GRIP2: variants seen among roughly 807,000 people sequenced by gnomAD.
GRIP2 encodes the protein glutamate receptor interacting protein 2.
In GRIP2, 58 loss-of-function variants were observed where a neutral mutation model predicts 108.3. That is an observed-to-expected ratio of 0.54 (90% CI 0.43 to 0.67). The LOEUF (loss-of-function observed/expected upper bound fraction) is 0.67, where lower values mean the gene tolerates loss of function less well. Among genes scored for constraint, GRIP2 ranks in the 30% least tolerant of loss-of-function variants. The pLI, the probability that GRIP2 is intolerant of heterozygous loss-of-function variation, is 0.00. For synonymous variants in GRIP2, 586 were observed against 598.2 expected (o/e 0.98, Z 0.30); for missense variants, 1,278 against 1,430.6 (o/e 0.89, Z 1.72).
At chr3:14,542,997 A>G (rs2124966335), upstream of GRIP2, among the ~76,000 whole-genome samples, 1 of 152,320 alleles carries the variant, frequency 6.6e-6, no homozygotes, top group South Asian at 2.1e-4. Context: ...GTGCAGAGGA[A>G]GAGGAATTAG....
upstream of GRIP2, among the ~76,000 whole-genome samples, chr3:14,560,050 C>A (rs980980802): frequency 6.6e-6 from 1 of 152,032 alleles, no homozygotes; most frequent in African/African-American, 2.4e-5. Flanking sequence ...GCCAGGAGTT[C>A]AAGACCCGCC....
intron 1 of GRIP2, among the ~76,000 whole-genome samples, chr3:14,528,057 G>A (rs754284024): frequency 1.1e-4 from 17 of 152,102 alleles, no homozygotes; most frequent in Non-Finnish European, 1.9e-4. Flanking sequence ...ATGTTCTACT[G>A]TAGTCAGTCC....
chr3:14,512,726 C>A lies in GRIP2; in HGVS notation c.1720+51G>T. ...TCTGAGCTTGGCAAGCTCTTTTTCC[C>A]CAGCAGTTGAGCTCGCTCCCAGGGG... On this transcript the variant is annotated intron_variant, in intron 14 of 23. Transcript: ENST00000621039. The surrounding 1 kb of genome is among the most constrained non-coding windows in gnomAD (Gnocchi z 5.1). 2.6e-6 allele frequency: 4 copies of A among 1,547,860 alleles called. No individual in the cohort carries two copies. The highest frequency in any genetic ancestry group is 2.7e-6 in the Non-Finnish European group (3 of 1,124,696).
the GRIP2 span, among the ~76,000 whole-genome samples, chr3:14,579,149 A>G: frequency 2.0e-5 from 3 of 152,098 alleles, no homozygotes; most frequent in African/African-American, 7.2e-5. Context: ...GTGCAACTAC[A>G]TGGGTGGGTC....
rs1431315918 is a variant in GRIP2, at chr3:14,520,147, C to T, written c.993G>A (p.Val331=). 3.1e-6 allele frequency: 5 copies of T among 1,609,458 alleles called. No homozygotes were observed. Among genetic ancestry groups the T allele is most frequent in the Non-Finnish European group, 3.4e-6 (4 of 1,178,662 alleles). Residue 331 remains valine (V), a synonymous_variant, in exon 9 of 24, where the codon GTG becomes GTA. Coordinates refer to ENST00000621039, the MANE Select transcript of GRIP2 (RefSeq NM_001080423.4). ...SEKVRLEILP[V]PQSQRPLRPS... ...GCCTCAGTGGCCGCTGACTCTGGGGCACAGGCAGGATCTCCAGCCGCACCT... is the reference window on the plus strand; with the variant it reads ...GCCTCAGTGGCCGCTGACTCTGGGGTACAGGCAGGATCTCCAGCCGCACCT...
In GRIP2 at chr3:14,521,609, GCC is replaced by G. The variant is rs765305177; in HGVS notation, c.712+31_712+32del. The G allele has an allele frequency of 1.9e-6, 3 of 1,575,278 alleles. No individual in the cohort carries two copies. The highest frequency in any genetic ancestry group is 2.6e-6 in the Non-Finnish European group (3 of 1,157,616). On this transcript the variant is annotated intron_variant, in intron 7 of 23. Transcript: ENST00000621039. The surrounding 1 kb of genome is among the most constrained non-coding windows in gnomAD (Gnocchi z 5.1). The stretch of plus-strand genomic sequence containing the variant: ...CTCCCCCCATCCCAGGCCTCCTCCT[GCC>G]CCAACCCACACACTCAGGCCCCCAA...
At chr3:14,555,677 CAGAG>C (rs1695226485) in intron 1 of GRIP2, among the ~76,000 whole-genome samples, 1 of 151,840 alleles carries the variant, frequency 6.6e-6, no homozygotes, top group African/African-American at 2.4e-5. Context: ...GAGACAGAGA[CAGAG>C]AGATGGAGGA....
rs1280647220 is a variant in GRIP2, at chr3:14,520,111, T to C, written c.1029A>G (p.Ala343=). 1 of 1,593,402 alleles carries C rather than the reference T, an allele frequency of 6.3e-7. No homozygotes were observed. The highest frequency in any genetic ancestry group is 1.3e-5 in the African/African-American group (1 of 74,548). Residue 343 remains alanine (A), a splice_region_variant and synonymous_variant, in exon 9 of 24, where the codon GCA becomes GCG. Transcript: ENST00000621039. ...CTGAGATCTACTGAGGGGACCCACCTGCCTCTGAGGGCCTCAGTGGCCGCT... is the reference window on the plus strand; with the variant it reads ...CTGAGATCTACTGAGGGGACCCACCCGCCTCTGAGGGCCTCAGTGGCCGCT... ...QSQRPLRPSE[A]VKVQRSEQLH...
chr3:14,503,369 A>T (rs1477961143), intron 21 of GRIP2, among the ~76,000 whole-genome samples, 197 bp downstream of exon 21: 1 of 152,224 alleles, frequency 6.6e-6, no homozygotes, highest in Non-Finnish European at 1.5e-5. Context: ...CAGTGCTCTC[A>T]ATCACACTTG....
At chr3:14,558,685 C>G (rs1695271567), upstream of GRIP2, among the ~76,000 whole-genome samples, 1 of 152,138 alleles carries the variant, frequency 6.6e-6, no homozygotes, top group Non-Finnish European at 1.5e-5. Flanking sequence ...GGACCACATC[C>G]AGACCTGCAT....
intron 1 of GRIP2, among the ~76,000 whole-genome samples, chr3:14,530,327 C>T (rs1371968628): frequency 6.6e-6 from 1 of 152,190 alleles, no homozygotes; most frequent in African/African-American, 2.4e-5. Context: ...GCACAAACAT[C>T]CCCCCATTCC....
the GRIP2 span, among the ~76,000 whole-genome samples, chr3:14,587,149 A>G: frequency 1.3e-5 from 2 of 152,226 alleles, no homozygotes; most frequent in Non-Finnish European, 2.9e-5. Context: ...AATAGCCAGA[A>G]GCCAGAGAAA....
At position 14,489,447 on chromosome 3, in the gene GRIP2, C is replaced by T. The variant is rs548793054; in HGVS notation, c.*4218G>A. ...CTTCCCGTCCAATCCCAGGACGCTC[C>T]TCAAAGGTAGGTATTTTCCCAGGTT... On this transcript the variant is annotated 3_prime_UTR_variant, in exon 24 of 24. Transcript: ENST00000621039. 7.2e-5 allele frequency: 11 copies of T among 152,764 alleles called. No individual in the cohort carries two copies. Among genetic ancestry groups the T allele is most frequent in the African/African-American group, 2.6e-4 (11 of 41,558 alleles). 9.5% of individuals were successfully genotyped at this position (152,764 alleles called of 1,614,324 possible). A position where few individuals can be genotyped will look rare whatever the true frequency, so the allele number is the denominator to read the frequency against.
the GRIP2 span, among the ~76,000 whole-genome samples, chr3:14,584,568 G>A: frequency 6.6e-6 from 1 of 152,328 alleles, no homozygotes; most frequent in East Asian, 1.9e-4. Flanking sequence ...GGAAATCCTT[G>A]TAAAACACGT....
At chr3:14,578,070 C>T in the GRIP2 span, among the ~76,000 whole-genome samples, 8 of 152,224 alleles carry the variant, frequency 5.3e-5, no homozygotes, top group Non-Finnish European at 1.2e-4. Context: ...GGCAGACTCT[C>T]GTTGCCCTTC....
chr3:14,574,708 A>G, the GRIP2 span: 9,209 of 581,754 alleles, frequency 0.016, 642 homozygotes, highest in African/African-American at 0.15. Context: ...CGCTGTGCCC[A>G]GCGCAAGGTG....
In GRIP2 at chr3:14,503,594, C is replaced by A. The variant is rs1416310162; in HGVS notation, c.2651G>T (p.Gly884Val). 2.5e-6 allele frequency: 4 copies of A among 1,611,254 alleles called. No individual in the cohort carries two copies. The African/African-American group carries it at 5.3e-5, about 22-fold the overall frequency. The change falls in exon 21 of 24, where the codon GGT (glycine) becomes GTT (valine). Residue 884 changes from glycine to valine, a missense_variant. Gly to Val is a moderately radical substitution (Grantham distance 109, BLOSUM62 -3). Transcript: ENST00000621039. ...CAGTTCCCTCAGCAGCTCTGACTGACCACATGACTCCAGGTCTTCGAGAGC... is the reference window on the plus strand; with the variant it reads ...CAGTTCCCTCAGCAGCTCTGACTGAACACATGACTCCAGGTCTTCGAGAGC... Reference protein sequence around the residue: ...GEALEDLESCGQSELLRELEA... With the variant: ...GEALEDLESCVQSELLRELEA...
intron 12 of GRIP2, among the ~76,000 whole-genome samples, chr3:14,514,037 C>T (rs936381281): frequency 6.6e-6 from 1 of 152,248 alleles, no homozygotes; most frequent in African/African-American, 2.4e-5. Context: ...ATGGGCCTTA[C>T]AAGTTGTGTA....
chr3:14,573,918 G>A, the GRIP2 span: 4 of 1,122,260 alleles, frequency 3.6e-6, no homozygotes, highest in Non-Finnish European at 5.3e-6. Context: ...CATGCAGCAG[G>A]CCGAGTGCTT....
Sources: allele counts gnomAD v4.1 joint callset (sites outside exome capture counted in the v4.1 genomes callset), GRCh38; gene constraint gnomAD v4.1.1; non-coding constraint Gnocchi (gnomAD v3.1); transcripts MANE v1.5; gene names NCBI Gene and HGNC (gene_info 2026-07-23, HGNC 2026-07-21).